The following PPARGC1B variants were observed in gnomAD, a reference collection of about 807,000 sequenced individuals.
PPARGC1B encodes the protein peroxisome proliferator-activated receptor gamma coactivator 1-beta.
A neutral mutation model predicts 101.6 loss-of-function variants in PPARGC1B; 34 were observed. That is an observed-to-expected ratio of 0.33 (90% CI 0.25 to 0.45). The LOEUF is 0.45. Among genes scored for constraint, PPARGC1B ranks in the 20% least tolerant of loss-of-function variants. The pLI is 1.00. For synonymous variants in PPARGC1B, 548 were observed against 539.3 expected (o/e 1.02, Z -0.22); for missense variants, 1,234 against 1,317.6 (o/e 0.94, Z 0.98).
At chr5:149,778,065 A>T (rs1331515499) in intron 1 of PPARGC1B, among the ~76,000 whole-genome samples, 2 of 14,210 alleles carry the variant, frequency 1.4e-4, no homozygotes, top group Non-Finnish European at 2.0e-4. Flanking sequence ...GCAGCATCTC[A>T]CACACACACA....
intron 1 of PPARGC1B, among the ~76,000 whole-genome samples, chr5:149,732,552 A>T (rs1193139073): frequency 6.6e-6 from 1 of 152,270 alleles, no homozygotes; most frequent in Non-Finnish European, 1.5e-5. Context: ...TGTTTGCAGG[A>T]GCAGTGCAGT....
intron 1 of PPARGC1B, among the ~76,000 whole-genome samples, chr5:149,740,863 T>C (rs1754881170): frequency 6.6e-6 from 1 of 152,152 alleles, no homozygotes; most frequent in South Asian, 2.1e-4. Context: ...ACAACGACAA[T>C]GATGTAAAAA....
rs549585560 is a variant in PPARGC1B, at chr5:149,809,580, A to G, written c.79-10853A>G. On this transcript the variant is annotated intron_variant, in intron 1 of 11. Transcript: ENST00000309241. ...GTGTGCACCTGTAGTCCTAGCTACT[A>G]AGGAGGCTGAGGCGGGAGGATTGCT... 8.6e-5 allele frequency among the ~76,000 whole-genome samples: 13 copies of G among 151,180 alleles called. No homozygotes were observed. In the South Asian group the frequency reaches 2.5e-3, roughly 29 times the overall value.
At chr5:149,760,215 T>C (rs1755669807) in intron 1 of PPARGC1B, among the ~76,000 whole-genome samples, 2 of 152,018 alleles carry the variant, frequency 1.3e-5, no homozygotes, top group Non-Finnish European at 2.9e-5. Context: ...TGCCAGCAGA[T>C]TGAGGGGCAG....
rs1022702694 is a variant in PPARGC1B, at chr5:149,730,569, G to A, written c.78+149G>A. 3 of 582,044 alleles carry A rather than the reference G, an allele frequency of 5.2e-6. No individual in the cohort carries two copies. Among genetic ancestry groups the A allele is most frequent in the Non-Finnish European group, 8.6e-6 (3 of 347,230 alleles). The allele number at this position is 582,044 out of a possible 1,614,324, so 36.1% of individuals were successfully genotyped here. A position where few individuals can be genotyped will look rare whatever the true frequency, so the allele number is the denominator to read the frequency against. On this transcript the variant is annotated intron_variant, in intron 1 of 11. Transcript: ENST00000309241. This position sits in a 1 kb window ranked among gnomAD's most constrained non-coding sequence, Gnocchi z 4.0. ...AGAGCCCCCCTTCCAGGCGCCCTGCGATGCGCTCCGTTACCGGGGCAGGGA... is the reference window on the plus strand; with the variant it reads ...AGAGCCCCCCTTCCAGGCGCCCTGCAATGCGCTCCGTTACCGGGGCAGGGA...
At chr5:149,744,863 T>A (rs1755031153) in intron 1 of PPARGC1B, among the ~76,000 whole-genome samples, 1 of 151,324 alleles carries the variant, frequency 6.6e-6, no homozygotes, top group Admixed American at 6.6e-5. Context: ...TAGTGATTCA[T>A]AAGAGCTTGG....
At chr5:149,776,891 G>A (rs1756381253) in intron 1 of PPARGC1B, among the ~76,000 whole-genome samples, 1 of 152,238 alleles carries the variant, frequency 6.6e-6, no homozygotes, top group Non-Finnish European at 1.5e-5. Context: ...CTGGCTTCCT[G>A]CACTCTGCAC....
rs994298341 is a variant in PPARGC1B, at chr5:149,842,371, A to G, written c.2810A>G (p.Asn937Ser). Reference protein sequence around the residue: ...EIEECEVLTRNRRGEKYGFIT... With the variant: ...EIEECEVLTRSRRGEKYGFIT... ...GAGGAGTGCGAGGTGCTGACAAGAA[A>G]TAGGAGGTGAGTTGAACCAAGCCAT... The change falls in exon 10 of 12, where the codon AAT (asparagine) becomes AGT (serine). Residue 937 changes from asparagine to serine, a missense_variant. By Grantham distance (46) the Asn-to-Ser change is conservative. This residue lies in a region of PPARGC1B where 497 missense variants were observed against 529.5 expected (regional missense o/e 0.94). Transcript: ENST00000309241. 4 of 1,613,690 alleles carry G rather than the reference A, an allele frequency of 2.5e-6. No homozygotes were observed. Among genetic ancestry groups the G allele is most frequent in the Non-Finnish European group, 8.5e-7 (1 of 1,179,728 alleles).
chr5:149,753,047 T>G (rs1486036363), intron 1 of PPARGC1B, among the ~76,000 whole-genome samples: 1 of 152,194 alleles, frequency 6.6e-6, no homozygotes, highest in Non-Finnish European at 1.5e-5. Flanking sequence ...ATTTTTTGTT[T>G]TTTGCACAAA....
At chr5:149,766,872 G>A (rs1755928338) in intron 1 of PPARGC1B, among the ~76,000 whole-genome samples, 1 of 152,248 alleles carries the variant, frequency 6.6e-6, no homozygotes, top group South Asian at 2.1e-4. Context: ...TCTCAGAGAA[G>A]CAGGTTTCCT....
At chr5:149,737,585 C>A (rs1754767993) in intron 1 of PPARGC1B, among the ~76,000 whole-genome samples, 1 of 152,236 alleles carries the variant, frequency 6.6e-6, no homozygotes, top group South Asian at 2.1e-4. Flanking sequence ...ACCTTGGAAT[C>A]CCCTTACTGG....
chr5:149,796,969 C>T (rs1227691901), intron 1 of PPARGC1B, among the ~76,000 whole-genome samples: 1 of 152,196 alleles, frequency 6.6e-6, no homozygotes, highest in African/African-American at 2.4e-5. Context: ...TGTTTTGCTC[C>T]GAGACAGCCT....
chr5:149,846,042 G>A (rs1373596906), intron 11 of PPARGC1B, 128 bp downstream of exon 11: 1 of 1,129,136 alleles, frequency 8.9e-7, no homozygotes, highest in African/African-American at 1.5e-5. Flanking sequence ...CCAGTGTGCT[G>A]CTTGGTATAA....
chr5:149,784,560 C>CTTTTTTTTTTTTTTTTTT lies in PPARGC1B; in HGVS notation c.79-35867_79-35850dup, dbSNP rs72364863. On this transcript the variant is annotated intron_variant, in intron 1 of 11. Coordinates refer to ENST00000309241, the MANE Select transcript of PPARGC1B (RefSeq NM_133263.4). ...AGCCTCACTCCAGCCAACTGAGTTT[C>CTTTTTTTTTTTTTTTTTT]TTTTTTTTTTTTTTTTTTTTTTTCT... Among the ~76,000 whole-genome samples, 16 of 75,702 alleles carry CTTTTTTTTTTTTTTTTTT rather than the reference C, an allele frequency of 2.1e-4. 2 individuals carry two copies. Among genetic ancestry groups the CTTTTTTTTTTTTTTTTTT allele is most frequent in the Admixed American group, 6.0e-4 (3 of 4,982 alleles). 49.7% of individuals were successfully genotyped at this position (75,702 alleles called of 152,430 possible). A position where few individuals can be genotyped will look rare whatever the true frequency, so the allele number is the denominator to read the frequency against.
chr5:149,844,125 T>C (rs114532083), intron 10 of PPARGC1B, among the ~76,000 whole-genome samples: 1,810 of 152,276 alleles, frequency 0.012, 18 homozygotes, highest in Admixed American at 0.018. Context: ...ATGGCAAAGA[T>C]GGTAAATGTC....
At chr5:149,788,440 G>C (rs962002043) in intron 1 of PPARGC1B, among the ~76,000 whole-genome samples, 6 of 152,202 alleles carry the variant, frequency 3.9e-5, no homozygotes, top group African/African-American at 1.4e-4. Flanking sequence ...GTGCTGGAGA[G>C]GATGTGGAGA....
chr5:149,737,761 A>AGGT (rs1383502479), intron 1 of PPARGC1B, among the ~76,000 whole-genome samples: 16 of 152,216 alleles, frequency 1.1e-4, no homozygotes. Context: ...TGGGAGGCTG[A>AGGT]GGTGGGTGGA....
At chr5:149,742,508 A>C (rs1754947393) in intron 1 of PPARGC1B, among the ~76,000 whole-genome samples, 1 of 152,152 alleles carries the variant, frequency 6.6e-6, no homozygotes, top group Non-Finnish European at 1.5e-5. Context: ...TAAGGAGGAG[A>C]GCTCTGACTG....
At chr5:149,752,903 G>T (rs776512607) in intron 1 of PPARGC1B, among the ~76,000 whole-genome samples, 1 of 152,194 alleles carries the variant, frequency 6.6e-6, no homozygotes, top group African/African-American at 2.4e-5. Flanking sequence ...ACAAATGGCA[G>T]TCATCCCTTG....
Sources: allele counts gnomAD v4.1 joint callset (sites outside exome capture counted in the v4.1 genomes callset), GRCh38; gene constraint gnomAD v4.1.1; regional missense constraint gnomAD v4.1.1; non-coding constraint Gnocchi (gnomAD v3.1); transcripts MANE v1.5; gene names NCBI Gene and HGNC (gene_info 2026-07-23, HGNC 2026-07-21).